The following TFDP2 variants were observed in gnomAD, a reference collection of about 807,000 sequenced individuals.
TFDP2 encodes the protein transcription factor Dp-2.
Under a neutral mutation model 59.3 loss-of-function variants are expected in TFDP2, and 17 were observed. That is an observed-to-expected ratio of 0.29 (90% confidence interval 0.20 to 0.43). TFDP2 has a LOEUF of 0.43. Among genes scored for constraint, TFDP2 ranks in the 20% least tolerant of loss-of-function variants. The pLI is 1.00. For missense variants in TFDP2, 391 were observed against 528.8 expected (o/e 0.74, Z 2.56); for synonymous variants, 180 against 194.7 (o/e 0.92, Z 0.63).
At chr3:141,968,647 CATAT>C (rs1194782062) in intron 9 of TFDP2, among the ~76,000 whole-genome samples, 1 of 100,438 alleles carries the variant, frequency 1.0e-5, no homozygotes, top group African/African-American at 3.9e-5. Context: ...ATATATATCT[CATAT>C]ATAGATATAT....
intron 1 of TFDP2, among the ~76,000 whole-genome samples, chr3:142,112,404 G>A (rs1376017150): frequency 6.6e-6 from 1 of 152,154 alleles, no homozygotes. Flanking sequence ...ACAAAACCAT[G>A]TACTAGTTAG....
chr3:141,997,373 T>C (rs1943363571), intron 4 of TFDP2, among the ~76,000 whole-genome samples: 1 of 152,148 alleles, frequency 6.6e-6, no homozygotes, highest in Non-Finnish European at 1.5e-5. Flanking sequence ...GGACAACTTA[T>C]AAAGAAAAAT....
chr3:141,956,067 C>T (rs1936583706), intron 11 of TFDP2, among the ~76,000 whole-genome samples: 1 of 152,184 alleles, frequency 6.6e-6, no homozygotes, highest in Non-Finnish European at 1.5e-5. Context: ...CTCAGCCTCC[C>T]AAAGTGCTGG....
At chr3:142,109,315 G>A (rs1350957620) in intron 1 of TFDP2, among the ~76,000 whole-genome samples, 1 of 150,726 alleles carries the variant, frequency 6.6e-6, no homozygotes, top group South Asian at 2.1e-4. Flanking sequence ...TCACACATCT[G>A]AAATGTCAGT....
intron 3 of TFDP2, among the ~76,000 whole-genome samples, chr3:142,070,453 T>C (rs2060209866): frequency 1.3e-5 from 2 of 152,102 alleles, no homozygotes; most frequent in African/African-American, 4.8e-5. Flanking sequence ...AATTTTATTT[T>C]TATCTTTTGT....
At chr3:142,031,503 TAATC>T (rs1946432121) in intron 3 of TFDP2, among the ~76,000 whole-genome samples, 1 of 152,230 alleles carries the variant, frequency 6.6e-6, no homozygotes, top group Non-Finnish European at 1.5e-5. Context: ...GCACGTAGCA[TAATC>T]ACTACCTTTT....
chr3:142,009,838 T>C (rs914883845), intron 3 of TFDP2, among the ~76,000 whole-genome samples: 3 of 152,066 alleles, frequency 2.0e-5, no homozygotes, highest in Non-Finnish European at 2.9e-5. Context: ...ACCAATAATG[T>C]TGAGACAAGA....
intron 3 of TFDP2, among the ~76,000 whole-genome samples, chr3:142,086,866 A>C (rs1325607507): frequency 6.6e-6 from 1 of 152,180 alleles, no homozygotes; most frequent in Non-Finnish European, 1.5e-5. Context: ...GAGTCCACCA[A>C]GGGTCACCTC....
intron 4 of TFDP2, among the ~76,000 whole-genome samples, chr3:141,995,733 A>G (rs1459992834): frequency 6.6e-6 from 1 of 152,102 alleles, no homozygotes; most frequent in Non-Finnish European, 1.5e-5. Context: ...AAAATATAAA[A>G]TTAGCCAGGT....
chr3:141,965,179 C>T (rs745641708), intron 9 of TFDP2, among the ~76,000 whole-genome samples: 1 of 149,960 alleles, frequency 6.7e-6, no homozygotes, highest in Non-Finnish European at 1.5e-5. Flanking sequence ...AAACAGATAA[C>T]GTTTTAAAAG....
At position 141,951,854 on chromosome 3, in the gene TFDP2, A is replaced by G. The variant is rs1228365262; in HGVS notation, c.*659T>C. 4 of 152,622 alleles carry G rather than the reference A, an allele frequency of 2.6e-5. No individual in the cohort carries two copies. The highest frequency in any genetic ancestry group is 9.7e-5 in the African/African-American group (4 of 41,436). The allele number at this position is 152,622 out of a possible 1,614,324, so 9.5% of individuals were successfully genotyped here. ...TCTATGCACCAATGCATTGGCTAAT[A>G]ATAATTTCAGTTTTACTATAAATTA... On this transcript the variant is annotated 3_prime_UTR_variant, in exon 13 of 13. Coordinates refer to ENST00000489671, the MANE Select transcript of TFDP2 (RefSeq NM_001178139.2).
At chr3:142,149,089 CCT>C in intron 1 of TFDP2, 92 bp downstream of exon 1, 1 of 396,282 alleles carries the variant, frequency 2.5e-6, no homozygotes. Flanking sequence ...CAAGGGGGCC[CCT>C]GTGCGCAGGG....
intron 10 of TFDP2, 127 bp downstream of exon 10, chr3:141,963,685 C>A: frequency 9.2e-7 from 1 of 1,087,728 alleles, no homozygotes; most frequent in Non-Finnish European, 1.3e-6. Context: ...GGAGGTGTTT[C>A]ATGTGCCCCA....
At chr3:141,963,459 C>T (rs1937561813) in intron 10 of TFDP2, among the ~76,000 whole-genome samples, 3 of 152,194 alleles carry the variant, frequency 2.0e-5, no homozygotes, top group African/African-American at 7.2e-5. Context: ...GACGGTGAAT[C>T]ACCAATGAAT....
chr3:141,969,787 C>G (rs1030167936), intron 9 of TFDP2, among the ~76,000 whole-genome samples: 2 of 152,188 alleles, frequency 1.3e-5, no homozygotes, highest in African/African-American at 4.8e-5. Flanking sequence ...AAAAAGACCC[C>G]TGACAGTTTA....
In TFDP2 at chr3:141,970,102, G is replaced by A. The variant is rs1339907809; in HGVS notation, c.703C>T (p.Arg235Trp). ...AGGAGAAGTTCTTGCAGCTGGGCCC[G>A]CTTCTGCTTTATCCGTTCTATCCGC... ...QRRIERIKQK[R>W]AQLQELLLQQ... The change falls in exon 9 of 13, where the codon CGG becomes TGG. Residue 235 changes from arginine to tryptophan, a missense_variant. This residue lies in a region of TFDP2 where 223 missense variants were observed against 292.5 expected (regional missense o/e 0.76). Coordinates refer to ENST00000489671, the MANE Select transcript of TFDP2 (RefSeq NM_001178139.2). 30 of 1,614,016 alleles carry A rather than the reference G, an allele frequency of 1.9e-5. No individual in the cohort carries two copies. Among genetic ancestry groups the A allele is most frequent in the Non-Finnish European group, 2.5e-5 (29 of 1,180,006 alleles).
At chr3:142,067,409 A>AAT (rs149996397) in intron 3 of TFDP2, among the ~76,000 whole-genome samples, 10,048 of 149,460 alleles carry the variant, frequency 0.067, 668 homozygotes, top group African/African-American at 0.17. Context: ...AAATCCAATA[A>AAT]ATATATATAT....
intron 3 of TFDP2, among the ~76,000 whole-genome samples, chr3:142,016,915 C>G (rs1265417472): frequency 1.3e-5 from 2 of 152,084 alleles, no homozygotes; most frequent in Non-Finnish European, 2.9e-5. Flanking sequence ...TCTTTCTGAC[C>G]TTGTCACCTG....
intron 1 of TFDP2, among the ~76,000 whole-genome samples, chr3:142,115,308 G>A (rs899916792): frequency 6.7e-6 from 1 of 148,344 alleles, no homozygotes; most frequent in Admixed American, 6.8e-5. Flanking sequence ...CTCATTCCAC[G>A]CATTTTCTTT....
Sources: allele counts gnomAD v4.1 joint callset (sites outside exome capture counted in the v4.1 genomes callset), GRCh38; gene constraint gnomAD v4.1.1; regional missense constraint gnomAD v4.1.1; transcripts MANE v1.5; gene names NCBI Gene and HGNC (gene_info 2026-07-23, HGNC 2026-07-21).